RTKN2: variants seen among roughly 807,000 people sequenced by gnomAD.
The protein encoded by RTKN2 is rhotekin-2.
RTKN2 carries 69 observed loss-of-function variants against 71.5 expected under a neutral mutation model. The ratio of observed to expected loss-of-function variants is 0.96; its 90% CI spans 0.79 to 1.18. RTKN2 has a LOEUF of 1.18. Ranked by LOEUF, RTKN2 falls within the 50% of genes most tolerant of loss-of-function variation. The probability of loss-of-function intolerance (pLI) is 0.00; values close to 1 mark genes in which losing one functional copy is unlikely to be tolerated. For synonymous variants in RTKN2, 236 were observed against 236.5 expected (o/e 1.00, Z 0.02); for missense variants, 724 against 719.7 (o/e 1.01, Z -0.07).
chr10:62,231,190 T>G (rs1328116471), intron 6 of RTKN2, among the ~76,000 whole-genome samples: 1 of 152,218 alleles, frequency 6.6e-6, no homozygotes, highest in African/African-American at 2.4e-5. Context: ...TTTTGTCAAG[T>G]AAATAATCAT....
intron 9 of RTKN2, among the ~76,000 whole-genome samples, chr10:62,206,349 C>A (rs1029053962): frequency 6.6e-6 from 1 of 152,062 alleles, no homozygotes. Flanking sequence ...AGTCACACAC[C>A]AAAACCCACA....
At chr10:62,190,409 T>C (rs144165730), downstream of RTKN2, among the ~76,000 whole-genome samples, 40 of 152,206 alleles carry the variant, frequency 2.6e-4, no homozygotes, top group East Asian at 7.6e-3. Flanking sequence ...ATCTGTAAAA[T>C]GGGGATTGTT....
intron 9 of RTKN2, among the ~76,000 whole-genome samples, chr10:62,216,159 C>T (rs541123900): frequency 2.6e-5 from 4 of 151,974 alleles, no homozygotes; most frequent in Non-Finnish European, 4.4e-5. Flanking sequence ...GATCAGTAGA[C>T]TGGTACCCAC....
At chr10:62,208,523 A>T (rs1478110541) in intron 9 of RTKN2, among the ~76,000 whole-genome samples, 2 of 152,200 alleles carry the variant, frequency 1.3e-5, no homozygotes, top group Non-Finnish European at 2.9e-5. Context: ...CTAGAATAGC[A>T]ATGGCAATGG....
chr10:62,237,535 C>T (rs1029113214), intron 5 of RTKN2, among the ~76,000 whole-genome samples: 1 of 151,778 alleles, frequency 6.6e-6, no homozygotes, highest in South Asian at 2.1e-4. Context: ...CATTTTGTTG[C>T]CAATACTATT....
rs899417055 is a variant in RTKN2, at chr10:62,268,054, T to C, written c.60+497A>G. On this transcript the variant is annotated intron_variant, in intron 1 of 11. Coordinates refer to ENST00000373789, the MANE Select transcript of RTKN2 (RefSeq NM_145307.4). ...ACCCAGTATCAAACCTTCAACTTTTTCTAAAGTGCAGAGGTTGCTGTTTGC... is the reference window on the plus strand; with the variant it reads ...ACCCAGTATCAAACCTTCAACTTTTCCTAAAGTGCAGAGGTTGCTGTTTGC... Among the ~76,000 whole-genome samples, 5 of 152,356 alleles carry C rather than the reference T, an allele frequency of 3.3e-5. No individual in the cohort carries two copies. The South Asian group carries it at 8.3e-4, about 25-fold the overall frequency.
intron 9 of RTKN2, among the ~76,000 whole-genome samples, chr10:62,213,481 A>G (rs1232901574): frequency 6.6e-6 from 1 of 152,194 alleles, no homozygotes; most frequent in Non-Finnish European, 1.5e-5. Flanking sequence ...TCCCTGAATA[A>G]TCCTGGACTG....
intron 3 of RTKN2, among the ~76,000 whole-genome samples, chr10:62,242,379 A>T (rs1196846956): frequency 1.3e-5 from 2 of 152,126 alleles, no homozygotes; most frequent in Non-Finnish European, 2.9e-5. Flanking sequence ...ATAGCATAAT[A>T]ATTTGTCTTT....
In RTKN2 at chr10:62,193,384, C is replaced by G; in HGVS notation, c.*4524G>C. On this transcript the variant is annotated 3_prime_UTR_variant, in exon 12 of 12. Transcript: ENST00000373789. ...GGAATGATCTTTTCTAATTATTAAACGTGTCAGCATTAGTATTTTCTCCCA... is the reference window on the plus strand; with the variant it reads ...GGAATGATCTTTTCTAATTATTAAAGGTGTCAGCATTAGTATTTTCTCCCA... The G allele has an allele frequency of 3.1e-6, 3 of 981,756 alleles. No homozygotes were observed. The highest frequency in any genetic ancestry group is 3.6e-6 in the Non-Finnish European group (3 of 826,658). The allele number at this position is 981,756 out of a possible 1,614,324, so 60.8% of individuals were successfully genotyped here. A position where few individuals can be genotyped will look rare whatever the true frequency, so the allele number is the denominator to read the frequency against.
intron 9 of RTKN2, among the ~76,000 whole-genome samples, chr10:62,214,318 T>C (rs1841722953): frequency 6.6e-6 from 1 of 152,140 alleles, no homozygotes; most frequent in South Asian, 2.1e-4. Context: ...GTCCTCAAGG[T>C]CAAATGTAGC....
chr10:62,217,028 T>A (rs886667327), intron 9 of RTKN2, 90 bp downstream of exon 9: 19 of 953,016 alleles, frequency 2.0e-5, no homozygotes, highest in Admixed American at 1.2e-4. Context: ...ACTTCTCTTT[T>A]ATTTATAAGA....
chr10:62,240,299 A>C (rs1366986776), intron 4 of RTKN2, among the ~76,000 whole-genome samples: 2 of 151,514 alleles, frequency 1.3e-5, no homozygotes, highest in Admixed American at 6.6e-5. Flanking sequence ...AACACAAAAA[A>C]CATAGCTGCT....
At position 62,198,393 on chromosome 10, in the gene RTKN2, T is replaced by TTTTTTG; in HGVS notation, c.1339_1344dup (p.Gln447_Lys448dup). On this transcript the variant is annotated inframe_insertion, in exon 12 of 12. Coordinates refer to ENST00000373789, the MANE Select transcript of RTKN2 (RefSeq NM_145307.4). ...AACTGCCCATTTGTCTCTTCAATTT[T>TTTTTTG]TTTTTGTATTATATCCGTTAAACTT... 2 of 1,591,508 alleles carry TTTTTTG rather than the reference T, an allele frequency of 1.3e-6. No individual in the cohort carries two copies. Among genetic ancestry groups the TTTTTTG allele is most frequent in the Non-Finnish European group, 1.7e-6 (2 of 1,172,574 alleles).
intron 1 of RTKN2, among the ~76,000 whole-genome samples, chr10:62,268,261 G>T (rs551816074): frequency 6.6e-4 from 101 of 152,348 alleles, no homozygotes; most frequent in African/African-American, 2.3e-3. Context: ...AAAGACAGGC[G>T]TCCAAAGCCT....
intron 6 of RTKN2, among the ~76,000 whole-genome samples, chr10:62,225,260 G>A (rs1198732205): frequency 1.3e-5 from 2 of 152,238 alleles, no homozygotes; most frequent in South Asian, 2.1e-4. Context: ...CAGTCTCTGT[G>A]AGAAGGTAGG....
intron 7 of RTKN2, among the ~76,000 whole-genome samples, chr10:62,220,101 C>A (rs952580191): frequency 1.3e-5 from 2 of 150,180 alleles, no homozygotes; most frequent in Non-Finnish European, 3.0e-5. Flanking sequence ...GTTTTAATTA[C>A]CCCAGAATTT....
At chr10:62,206,241 T>C (rs544918185) in intron 9 of RTKN2, among the ~76,000 whole-genome samples, 16 of 152,166 alleles carry the variant, frequency 1.1e-4, no homozygotes, top group Non-Finnish European at 2.1e-4. Flanking sequence ...TTAAGCCTAC[T>C]GTAATGTGTG....
downstream of RTKN2, among the ~76,000 whole-genome samples, chr10:62,192,047 GTT>G (rs148963022): frequency 2.7e-5 from 4 of 150,218 alleles, no homozygotes; most frequent in African/African-American, 4.9e-5. Flanking sequence ...ATATTATAAG[GTT>G]TTTTTTTATC....
chr10:62,196,034 G>C lies in RTKN2; in HGVS notation c.*1874C>G, dbSNP rs1841324585. On this transcript the variant is annotated 3_prime_UTR_variant, in exon 12 of 12. Coordinates refer to ENST00000373789, the MANE Select transcript of RTKN2 (RefSeq NM_145307.4). ...TTAATACTGATTTGTAATAAAGGAA[G>C]GCATCAACTAGGAAAAAAAAAAGAA... is the stretch of plus-strand genomic sequence containing the variant. The C allele has an allele frequency of 3.0e-6, 3 of 984,590 alleles. No homozygotes were observed. The highest frequency in any genetic ancestry group is 3.6e-6 in the Non-Finnish European group (3 of 829,546). The allele number at this position is 984,590 out of a possible 1,614,324, so 61.0% of individuals were successfully genotyped here.
Sources: allele counts gnomAD v4.1 joint callset (sites outside exome capture counted in the v4.1 genomes callset), GRCh38; gene constraint gnomAD v4.1.1; transcripts MANE v1.5; gene names NCBI Gene and HGNC (gene_info 2026-07-23, HGNC 2026-07-21).